INPP5A: variants seen among roughly 807,000 people sequenced by gnomAD.
INPP5A encodes 43 kDa inositol polyphosphate 5-phophatase.
A neutral mutation model predicts 65.2 loss-of-function variants in INPP5A; 14 were observed. The ratio of observed to expected loss-of-function variants is 0.21; its 90% CI spans 0.14 to 0.34. The LOEUF is 0.34. INPP5A is among the 10% of genes least tolerant of loss of function. INPP5A has a pLI of 1.00. For missense variants in INPP5A, 431 were observed against 545.6 expected (o/e 0.79, Z 2.09); for synonymous variants, 207 against 208.3 (o/e 0.99, Z 0.05).
intron 2 of INPP5A, among the ~76,000 whole-genome samples, chr10:132,632,090 C>G (rs541068680): frequency 6.6e-6 from 1 of 152,258 alleles, no homozygotes; most frequent in African/African-American, 2.4e-5. Context: ...TGGGGACACT[C>G]GGTCACATCT....
chr10:132,581,140 G>T (rs2071478495), intron 1 of INPP5A, among the ~76,000 whole-genome samples: 1 of 152,178 alleles, frequency 6.6e-6, no homozygotes, highest in Admixed American at 6.5e-5. Flanking sequence ...TATGGCTTCA[G>T]TCTCTTGCCA....
At chr10:132,688,967 G>A (rs1235365934) in intron 4 of INPP5A, among the ~76,000 whole-genome samples, 1 of 152,212 alleles carries the variant, frequency 6.6e-6, no homozygotes, top group Non-Finnish European at 1.5e-5. Context: ...TGTTGTGTGT[G>A]CATGAGTGTA....
chr10:132,732,348 A>G (rs1259056192), intron 9 of INPP5A, among the ~76,000 whole-genome samples: 1 of 152,254 alleles, frequency 6.6e-6, no homozygotes, highest in Non-Finnish European at 1.5e-5. Flanking sequence ...CTGTGGATAC[A>G]TAGCTGTTCA....
At chr10:132,633,626 G>C (rs544234838) in intron 2 of INPP5A, among the ~76,000 whole-genome samples, 124 of 152,234 alleles carry the variant, frequency 8.1e-4, no homozygotes, top group Middle Eastern at 3.4e-3. Flanking sequence ...TTTTCTCCCT[G>C]GCCTTGCCAT....
chr10:132,718,980 TG>T (rs1845803241), intron 8 of INPP5A, among the ~76,000 whole-genome samples: 1 of 147,714 alleles, frequency 6.8e-6, no homozygotes, highest in Non-Finnish European at 1.5e-5. Flanking sequence ...GCGGGTTCTG[TG>T]GTACCTGGGT....
intron 2 of INPP5A, among the ~76,000 whole-genome samples, chr10:132,614,311 CA>C (rs1322072383): frequency 6.6e-6 from 1 of 152,104 alleles, no homozygotes; most frequent in African/African-American, 2.4e-5. Context: ...ACTACAAATA[CA>C]AAAAATTAGC....
At chr10:132,756,411 TG>T (rs1846618073) in intron 11 of INPP5A, among the ~76,000 whole-genome samples, 1 of 152,184 alleles carries the variant, frequency 6.6e-6, no homozygotes, top group Admixed American at 6.5e-5. Flanking sequence ...TGCACTTGTG[TG>T]TGTGCGTGTG....
At chr10:132,596,394 A>G (rs1430452471) in intron 1 of INPP5A, among the ~76,000 whole-genome samples, 1 of 151,362 alleles carries the variant, frequency 6.6e-6, no homozygotes, top group Non-Finnish European at 1.5e-5. Context: ...GCAGAAGAGG[A>G]CACCCAAGTG....
intron 11 of INPP5A, among the ~76,000 whole-genome samples, chr10:132,755,433 GGT>G (rs1458408865): frequency 6.9e-6 from 1 of 145,520 alleles, no homozygotes; most frequent in Non-Finnish European, 1.5e-5. Flanking sequence ...CATATGAGTG[GGT>G]GTGTGCATGA....
chr10:132,665,924 G>A (rs2072794966), intron 4 of INPP5A, among the ~76,000 whole-genome samples: 1 of 152,026 alleles, frequency 6.6e-6, no homozygotes, highest in Non-Finnish European at 1.5e-5. Context: ...CTGCAATGGC[G>A]TGCACCTGTA....
intron 5 of INPP5A, among the ~76,000 whole-genome samples, chr10:132,692,034 T>C (rs1291498375): frequency 6.6e-6 from 1 of 151,996 alleles, no homozygotes; most frequent in Admixed American, 6.6e-5. Context: ...CTGCTGATGC[T>C]CAGCGCAGTC....
chr10:132,687,984 CTG>C (rs1489183639), intron 4 of INPP5A, among the ~76,000 whole-genome samples: 2 of 152,218 alleles, frequency 1.3e-5, no homozygotes, highest in African/African-American at 4.8e-5. Context: ...AGGTGAAACA[CTG>C]TTTTCTGGTG....
chr10:132,558,263 C>T (rs373173492), intron 1 of INPP5A, among the ~76,000 whole-genome samples: 6 of 152,282 alleles, frequency 3.9e-5, no homozygotes, highest in African/African-American at 1.2e-4. Context: ...CAAGCTGCTC[C>T]GGGTGTCCCC....
chr10:132,586,545 G>A (rs2071547117), intron 1 of INPP5A, among the ~76,000 whole-genome samples: 1 of 152,212 alleles, frequency 6.6e-6, no homozygotes, highest in African/African-American at 2.4e-5. Context: ...AACATCTGGA[G>A]GCGTCACTTG....
In INPP5A at chr10:132,627,023, G is replaced by C. The variant is rs1330081473; in HGVS notation, c.118-18845G>C. On this transcript the variant is annotated intron_variant, in intron 2 of 15. Transcript: ENST00000368594. This position sits in a 1 kb window ranked among gnomAD's most constrained non-coding sequence, Gnocchi z 6.6. ...GAGGGGGGTGGGCCCTTTGGGAGGTGATGGGGTGAGATGAGGTTATGCGGT... is the reference window on the plus strand; with the variant it reads ...GAGGGGGGTGGGCCCTTTGGGAGGTCATGGGGTGAGATGAGGTTATGCGGT... Among the ~76,000 whole-genome samples, 1 of 152,166 alleles carries C rather than the reference G, an allele frequency of 6.6e-6. No homozygotes were observed. Among genetic ancestry groups the C allele is most frequent in the African/African-American group, 2.4e-5 (1 of 41,432 alleles).
intron 1 of INPP5A, among the ~76,000 whole-genome samples, chr10:132,573,043 G>A (rs977857619): frequency 2.7e-5 from 4 of 150,858 alleles, no homozygotes; most frequent in African/African-American, 9.8e-5. Context: ...TGGGGTGTAC[G>A]TGCCGTGTGA....
rs1845372644 is a variant in INPP5A at position 132,697,940 on chromosome 10, A to G, written c.474+21A>G. On this transcript the variant is annotated intron_variant, in intron 6 of 15. Coordinates refer to ENST00000368594, the MANE Select transcript of INPP5A (RefSeq NM_005539.5). This position sits in a 1 kb window ranked among gnomAD's most constrained non-coding sequence, Gnocchi z 5.6. ...CCGAGGTACGTAGCGAGGCTTTCTC[A>G]CTGACGTGTTTACTTCTCAGAGTGA... 1 of 1,512,860 alleles carries G rather than the reference A, an allele frequency of 6.6e-7. No homozygotes were observed. The highest frequency in any genetic ancestry group is 1.4e-5 in the African/African-American group (1 of 72,854). 93.7% of individuals were successfully genotyped at this position (1,512,860 alleles called of 1,614,324 possible). A position where few individuals can be genotyped will look rare whatever the true frequency, so the allele number is the denominator to read the frequency against.
At chr10:132,552,623 A>G (rs1351181182) in intron 1 of INPP5A, among the ~76,000 whole-genome samples, 873 of 72,902 alleles carry the variant, frequency 0.012, no homozygotes, top group Admixed American at 0.02. Flanking sequence ...GTGGGATAGG[A>G]AGGGAGGATT....
rs376898602 is a variant in INPP5A at position 132,690,363 on chromosome 10, C to T, written c.307-29C>T. On this transcript the variant is annotated intron_variant, in intron 4 of 15. Coordinates refer to ENST00000368594, the MANE Select transcript of INPP5A (RefSeq NM_005539.5). ...TTAGAAATATTCCCAGCACCAGTCT[C>T]TCATTTGATTTCTCTTTTTGCTCTA... 15 of 1,424,934 alleles carry T rather than the reference C, an allele frequency of 1.1e-5. No homozygotes were observed. In the African/African-American group the frequency reaches 2.1e-4, roughly 20 times the overall value. 88.3% of individuals were successfully genotyped at this position (1,424,934 alleles called of 1,614,324 possible).
Sources: allele counts gnomAD v4.1 joint callset (sites outside exome capture counted in the v4.1 genomes callset), GRCh38; gene constraint gnomAD v4.1.1; non-coding constraint Gnocchi (gnomAD v3.1); transcripts MANE v1.5; gene names NCBI Gene and HGNC (gene_info 2026-07-23, HGNC 2026-07-21).